The following ANKS6 variants were observed in gnomAD, a reference collection of about 807,000 sequenced individuals.
ANKS6 encodes ankyrin repeat and SAM domain-containing protein 6.
ANKS6 carries 47 observed loss-of-function variants against 77.9 expected under a neutral mutation model. The observed-to-expected ratio is 0.60, with a 90% CI of 0.48 to 0.77. The LOEUF (loss-of-function observed/expected upper bound fraction) is 0.77. Among genes scored for constraint, ANKS6 ranks in the 30% least tolerant of loss-of-function variants. The pLI, the probability that ANKS6 is intolerant of heterozygous loss-of-function variation, is 0.00. For missense variants in ANKS6, 1,150 were observed against 1,159.1 expected (o/e 0.99, Z 0.11); for synonymous variants, 488 against 501.7 (o/e 0.97, Z 0.37).
chr9:98,767,325 A>C (rs1482940748), intron 11 of ANKS6, among the ~76,000 whole-genome samples: 1 of 152,106 alleles, frequency 6.6e-6, no homozygotes, highest in African/African-American at 2.4e-5. Flanking sequence ...CTCACACCAG[A>C]ACAGTTGCAC....
intron 5 of ANKS6, among the ~76,000 whole-genome samples, chr9:98,781,049 G>A (rs1410383804): frequency 1.3e-5 from 2 of 151,960 alleles, no homozygotes; most frequent in Admixed American, 6.6e-5. Context: ...TACAGTGCCC[G>A]CCATCATGCC....
chr9:98,773,730 A>G, intron 9 of ANKS6, 147 bp downstream of exon 9: 1 of 596,782 alleles, frequency 1.7e-6, no homozygotes, highest in East Asian at 3.4e-5. Context: ...GTAGGGCTTC[A>G]TTAGACAAAA....
chr9:98,768,054 CAGG>C, intron 11 of ANKS6, 24 bp downstream of exon 11: 1 of 1,585,050 alleles, frequency 6.3e-7, no homozygotes, highest in African/African-American at 1.3e-5. Context: ...GTGAGTGTAA[CAGG>C]AGGAGGCCAC....
At chr9:98,790,013 G>A (rs1004420633) in intron 2 of ANKS6, 91 bp downstream of exon 2, 7 of 1,476,990 alleles carry the variant, frequency 4.7e-6, no homozygotes, top group Non-Finnish European at 6.3e-6. Flanking sequence ...TCTGAGTTCT[G>A]CGTGTCCTTC....
At chr9:98,795,106 TA>T (rs1835103962) in intron 1 of ANKS6, among the ~76,000 whole-genome samples, 1 of 152,034 alleles carries the variant, frequency 6.6e-6, no homozygotes, top group Non-Finnish European at 1.5e-5. Flanking sequence ...CTGTCTCTCT[TA>T]ACCCCTCCCC....
chr9:98,784,065 C>A lies in ANKS6; in HGVS notation c.1000G>T (p.Ala334Ser), dbSNP rs753033204. The change falls in exon 4 of 15, where the codon GCT (alanine) becomes TCT (serine). Residue 334 changes from alanine (A) to serine (S), a missense_variant. Coordinates refer to ENST00000353234, the MANE Select transcript of ANKS6 (RefSeq NM_173551.5). ...GDGATPLMLAAVTGQLALVQL... is the reference protein window; with the variant it reads ...GDGATPLMLASVTGQLALVQL... ...ACCAGAGCCAGCTGCCCCGTAACAGCTGCTAGCATCAGTGGCGTCGCCCCG... is the reference window on the plus strand; with the variant it reads ...ACCAGAGCCAGCTGCCCCGTAACAGATGCTAGCATCAGTGGCGTCGCCCCG... The A allele has an allele frequency of 6.2e-7, 1 of 1,610,764 alleles. No individual in the cohort carries two copies. Among genetic ancestry groups the A allele is most frequent in the East Asian group, 2.2e-5 (1 of 44,704 alleles).
At chr9:98,766,048 C>T (rs565193397) in intron 11 of ANKS6, among the ~76,000 whole-genome samples, 1 of 152,278 alleles carries the variant, frequency 6.6e-6, no homozygotes, top group South Asian at 2.1e-4. Context: ...ATTCCCCAGA[C>T]CCTCCCGAGA....
intron 14 of ANKS6, among the ~76,000 whole-genome samples, chr9:98,738,564 A>G (rs955485766): frequency 6.6e-6 from 1 of 151,032 alleles, no homozygotes; most frequent in African/African-American, 2.4e-5. Flanking sequence ...AAGAATGGCC[A>G]TAACAAAAAA....
chr9:98,749,502 A>G (rs1306308491), intron 13 of ANKS6, among the ~76,000 whole-genome samples: 1 of 152,228 alleles, frequency 6.6e-6, no homozygotes, highest in East Asian at 1.9e-4. Flanking sequence ...ACGATGAAGG[A>G]CAGGTGAACT....
chr9:98,733,389 C>G lies in ANKS6; in HGVS notation c.*3130G>C, dbSNP rs1831310573. Reference sequence around the variant, plus strand: ...ATGCCCTCCACCCTGCAGGAGAGCTCAGGGTGGAGCCTCAGCTCAATGCCC... The same window carrying G: ...ATGCCCTCCACCCTGCAGGAGAGCTGAGGGTGGAGCCTCAGCTCAATGCCC... On this transcript the variant is annotated 3_prime_UTR_variant, in exon 15 of 15. Transcript: ENST00000353234. 1.1e-5 allele frequency: 11 copies of G among 985,474 alleles called. No individual in the cohort carries two copies. The highest frequency in any genetic ancestry group is 1.7e-5 in the African/African-American group (1 of 57,362). The allele number at this position is 985,474 out of a possible 1,614,324, so 61.0% of individuals were successfully genotyped here. A position where few individuals can be genotyped will look rare whatever the true frequency, so the allele number is the denominator to read the frequency against.
intron 10 of ANKS6, 30 bp from the exon 11 acceptor site, chr9:98,768,280 T>C (rs780489368): frequency 1.9e-6 from 3 of 1,612,740 alleles, no homozygotes; most frequent in Non-Finnish European, 2.5e-6. Context: ...GTGAACACCA[T>C]GGGCACAGAG....
chr9:98,770,034 G>T (rs1833536758), intron 10 of ANKS6, among the ~76,000 whole-genome samples: 1 of 152,132 alleles, frequency 6.6e-6, no homozygotes, highest in Non-Finnish European at 1.5e-5. Flanking sequence ...GGCTGATATG[G>T]TTTGGCTGTG....
intron 11 of ANKS6, among the ~76,000 whole-genome samples, chr9:98,764,012 A>G (rs911436158): frequency 6.6e-6 from 1 of 152,156 alleles, no homozygotes; most frequent in Non-Finnish European, 1.5e-5. Context: ...GGCAGGCCCA[A>G]ATGGTTTCCC....
rs117248430 is a variant in ANKS6, at chr9:98,744,277, C to G, written c.2511+1282G>C. On this transcript the variant is annotated intron_variant, in intron 14 of 14. Transcript: ENST00000353234. ...GCCTTCAGGCAGGTAATAAGAATGA[C>G]GACAGTGACAACAAAAACCACCACC... 5.9e-5 allele frequency among the ~76,000 whole-genome samples: 9 copies of G among 152,272 alleles called. No individual in the cohort carries two copies. In the South Asian group the frequency reaches 1.7e-3, roughly 28 times the overall value.
In ANKS6 at chr9:98,733,825, C is replaced by T; in HGVS notation, c.*2694G>A. On this transcript the variant is annotated 3_prime_UTR_variant, in exon 15 of 15. Transcript: ENST00000353234. The stretch of plus-strand genomic sequence containing the variant: ...GAACCTCACCCCACTTTCACATACA[C>T]ACCCTACGTTTCTTTATGAAAAACC... The T allele has an allele frequency of 3.0e-6, 3 of 985,436 alleles. No homozygotes were observed. Among genetic ancestry groups the T allele is most frequent in the Non-Finnish European group, 3.6e-6 (3 of 829,950 alleles). The allele number at this position is 985,436 out of a possible 1,614,324, so 61.0% of individuals were successfully genotyped here. A position where few individuals can be genotyped will look rare whatever the true frequency, so the allele number is the denominator to read the frequency against.
chr9:98,733,833 G>A lies in ANKS6; in HGVS notation c.*2686C>T, dbSNP rs751929373. The A allele has an allele frequency of 7.8e-5, 77 of 985,312 alleles. 1 individual carries two copies. The highest frequency in any genetic ancestry group is 1.2e-4 in the Admixed American group (2 of 16,268). The allele number at this position is 985,312 out of a possible 1,614,324, so 61.0% of individuals were successfully genotyped here. ...CCCCACTTTCACATACACACCCTAC[G>A]TTTCTTTATGAAAAACCTATTATCC... On this transcript the variant is annotated 3_prime_UTR_variant, in exon 15 of 15. Coordinates refer to ENST00000353234, the MANE Select transcript of ANKS6 (RefSeq NM_173551.5).
chr9:98,758,102 T>C (rs1397485238), intron 11 of ANKS6, among the ~76,000 whole-genome samples: 1 of 152,156 alleles, frequency 6.6e-6, no homozygotes, highest in Non-Finnish European at 1.5e-5. Context: ...CCCTCCTTCC[T>C]TCCACATTTA....
At position 98,733,044 on chromosome 9, in the gene ANKS6, C is replaced by T. The variant is rs938645393; in HGVS notation, c.*3475G>A. The T allele has an allele frequency of 3.6e-6, 3 of 822,218 alleles. No individual in the cohort carries two copies. Among genetic ancestry groups the T allele is most frequent in the Non-Finnish European group, 4.4e-6 (3 of 676,900 alleles). 50.9% of individuals were successfully genotyped at this position (822,218 alleles called of 1,614,324 possible). On this transcript the variant is annotated 3_prime_UTR_variant, in exon 15 of 15. Transcript: ENST00000353234. Reference sequence around the variant, plus strand: ...GATGACTTTCCCTGAGCTGTATACCCAGCAGGCTTCATCACCACACCATCT... The same window carrying T: ...GATGACTTTCCCTGAGCTGTATACCTAGCAGGCTTCATCACCACACCATCT...
intron 14 of ANKS6, among the ~76,000 whole-genome samples, chr9:98,740,284 C>A (rs1831752703): frequency 6.6e-6 from 1 of 152,116 alleles, no homozygotes; most frequent in South Asian, 2.1e-4. Context: ...TTCATCCCAA[C>A]CAATCCAAAC....
Sources: allele counts gnomAD v4.1 joint callset (sites outside exome capture counted in the v4.1 genomes callset), GRCh38; gene constraint gnomAD v4.1.1; transcripts MANE v1.5; gene names NCBI Gene and HGNC (gene_info 2026-07-23, HGNC 2026-07-21).